The following CEP135 variants were observed in gnomAD, a reference collection of about 807,000 sequenced individuals.
The protein encoded by CEP135 is centrosomal protein 135.
CEP135 carries 142 observed loss-of-function variants against 157.3 expected under a neutral mutation model. The observed-to-expected ratio is 0.90, with a 90% CI of 0.79 to 1.04. The LOEUF (loss-of-function observed/expected upper bound fraction) is 1.04, where lower values mean the gene tolerates loss of function less well. CEP135 is among the 50% of genes least tolerant of loss of function. The probability of loss-of-function intolerance (pLI) is 0.00; values close to 1 mark genes in which losing one functional copy is unlikely to be tolerated. For missense variants in CEP135, 1,317 were observed against 1,309.2 expected (o/e 1.01, Z -0.09); for synonymous variants, 396 against 439.8 (o/e 0.90, Z 1.25).
intron 6 of CEP135, among the ~76,000 whole-genome samples, 198 bp from the exon 7 acceptor site, chr4:55,964,076 C>T (rs999419203): frequency 6.6e-6 from 1 of 152,198 alleles, no homozygotes; most frequent in African/African-American, 2.4e-5. Context: ...GATATAGTGA[C>T]AGCATGTCTG....
chr4:55,955,637 C>G (rs915910206), intron 4 of CEP135, among the ~76,000 whole-genome samples: 3 of 152,194 alleles, frequency 2.0e-5, no homozygotes, highest in Non-Finnish European at 4.4e-5. Context: ...ATGGGATAGA[C>G]TCCGGAGAGA....
In CEP135 at chr4:55,965,809, CAT is replaced by C; in HGVS notation, c.996_997del (p.His332GlnfsTer6). Reference protein sequence around the residue: ...IDQLAQQLERHKEEVLETADK... With the variant: ...IDQLAQQLERXKEEVLETADK... ...TCAGTTAGCACAGCAGTTGGAAAGA[CAT>C]AAAGAAGAAGTGCTTGAGACTGCTG... On this transcript the variant is annotated frameshift_variant, in exon 8 of 26. Transcript: ENST00000257287. LOFTEE classifies it high-confidence loss of function. 2.5e-6 allele frequency: 4 copies of C among 1,613,662 alleles called. No homozygotes were observed. The highest frequency in any genetic ancestry group is 3.4e-6 in the Non-Finnish European group (4 of 1,179,736).
At chr4:55,958,762 TC>T (rs1728583927) in intron 5 of CEP135, among the ~76,000 whole-genome samples, 2 of 152,090 alleles carry the variant, frequency 1.3e-5, no homozygotes, top group Admixed American at 1.3e-4. Flanking sequence ...CCTCATTTAC[TC>T]CACCCCATGG....
At chr4:55,995,038 G>A (rs780949801) in intron 15 of CEP135, among the ~76,000 whole-genome samples, 24 of 152,142 alleles carry the variant, frequency 1.6e-4, no homozygotes, top group Non-Finnish European at 2.9e-4. Flanking sequence ...TTCTTTGTCT[G>A]TTGTCAGAGC....
chr4:55,974,056 T>C (rs1729112000), intron 10 of CEP135, among the ~76,000 whole-genome samples: 1 of 152,202 alleles, frequency 6.6e-6, no homozygotes, highest in Non-Finnish European at 1.5e-5. Context: ...CCTACTACAA[T>C]TAGAATAGTT....
In CEP135 at chr4:55,965,757, A is replaced by C. The variant is rs1201599617; in HGVS notation, c.942A>C (p.Lys314Asn). 6.2e-7 allele frequency: 1 copy of C among 1,613,724 alleles called. No homozygotes were observed. Among genetic ancestry groups the C allele is most frequent in the Non-Finnish European group, 8.5e-7 (1 of 1,179,886 alleles). The change falls in exon 8 of 26, where the codon AAA becomes AAC. Residue 314 changes from lysine to asparagine, a missense_variant. Physicochemically the swap from Lys to Asn is moderately conservative, Grantham distance 94. Transcript: ENST00000257287. The part of the protein sequence containing the change: ...EVVNLSNKNE[K>N]LCQELTEIDQ... ...TTAATTTAAGTAACAAAAATGAAAA[A>C]CTCTGCCAAGAATTAACTGAAATAG...
chr4:55,989,268 AAAT>A (rs1229881281), intron 14 of CEP135, among the ~76,000 whole-genome samples: 7 of 152,218 alleles, frequency 4.6e-5, no homozygotes, highest in Non-Finnish European at 7.3e-5. Flanking sequence ...GACCTTGGAG[AAAT>A]AATAATATCA....
chr4:55,964,823 A>G (rs986831439), intron 7 of CEP135: 2 of 151,308 alleles, frequency 1.3e-5, no homozygotes, highest in Non-Finnish European at 3.0e-5. Flanking sequence ...TTTTATGAGT[A>G]TATATTTATT....
intron 17 of CEP135, among the ~76,000 whole-genome samples, chr4:56,006,490 A>G (rs1699710403): frequency 6.6e-6 from 1 of 152,066 alleles, no homozygotes; most frequent in Admixed American, 6.6e-5. Context: ...GGTGATGTGC[A>G]CCTGTGGTTC....
chr4:55,973,104 CA>C (rs1192896641), intron 10 of CEP135, among the ~76,000 whole-genome samples: 3 of 152,190 alleles, frequency 2.0e-5, no homozygotes, highest in African/African-American at 7.2e-5. Context: ...TCAACTGTCT[CA>C]AACTCTCTTG....
chr4:56,030,921 TC>T (rs1409895200), intron 25 of CEP135, among the ~76,000 whole-genome samples: 1 of 152,126 alleles, frequency 6.6e-6, no homozygotes, highest in Non-Finnish European at 1.5e-5. Context: ...AGTGAGAGGA[TC>T]ACTTGAGTTC....
intron 25 of CEP135, among the ~76,000 whole-genome samples, chr4:56,029,140 A>G (rs1280185668): frequency 6.6e-6 from 1 of 152,238 alleles, no homozygotes; most frequent in African/African-American, 2.4e-5. Context: ...GCAAATTATC[A>G]GGAAAGCAGC....
chr4:55,950,176 G>C (rs888480610), intron 1 of CEP135, among the ~76,000 whole-genome samples: 1 of 152,168 alleles, frequency 6.6e-6, no homozygotes, highest in African/African-American at 2.4e-5. Context: ...ATACAGAAAG[G>C]AGTGACCAAG....
chr4:56,024,223 A>G (rs1731076146), intron 24 of CEP135, among the ~76,000 whole-genome samples: 1 of 149,354 alleles, frequency 6.7e-6, no homozygotes, highest in Non-Finnish European at 1.5e-5. Flanking sequence ...AAAGATTTCC[A>G]TTAAAAGAAT....
In CEP135 at chr4:56,024,447, T is replaced by C. The variant is rs1731082199; in HGVS notation, c.3321-54T>C. 4 of 1,328,268 alleles carry C rather than the reference T, an allele frequency of 3.0e-6. No homozygotes were observed. The Admixed American group carries it at 5.3e-5, about 18-fold the overall frequency. 82.3% of individuals were successfully genotyped at this position (1,328,268 alleles called of 1,614,324 possible). A position where few individuals can be genotyped will look rare whatever the true frequency, so the allele number is the denominator to read the frequency against. On this transcript the variant is annotated intron_variant, in intron 24 of 25. Transcript: ENST00000257287. ...TAACTCTTATATTTGTTTGCCACTT[T>C]TTGATTTTCCCTGGTGCTTGAATAT...
At chr4:55,986,304 A>G (rs1170643488) in intron 14 of CEP135, among the ~76,000 whole-genome samples, 1 of 152,208 alleles carries the variant, frequency 6.6e-6, no homozygotes, top group African/African-American at 2.4e-5. Flanking sequence ...TGGGAGGCCA[A>G]GGTGAGGCAG....
intron 24 of CEP135, among the ~76,000 whole-genome samples, 155 bp downstream of exon 24, chr4:56,020,935 C>T (rs1202000915): frequency 2.6e-5 from 4 of 151,986 alleles, no homozygotes; most frequent in Non-Finnish European, 2.9e-5. Context: ...AAAAAGGCAA[C>T]AAGTGTTGGG....
chr4:56,026,601 G>C (rs1400732249), intron 25 of CEP135, among the ~76,000 whole-genome samples: 2 of 152,150 alleles, frequency 1.3e-5, no homozygotes, highest in African/African-American at 4.8e-5. Flanking sequence ...ATAAGCACTT[G>C]GCAGTTTCCA....
intron 24 of CEP135, among the ~76,000 whole-genome samples, chr4:56,023,100 G>A (rs1307826215): frequency 2.0e-5 from 3 of 152,040 alleles, no homozygotes; most frequent in Non-Finnish European, 4.4e-5. Context: ...GGCCATGAAA[G>A]TGTGCACCTG....
Sources: allele counts gnomAD v4.1 joint callset (sites outside exome capture counted in the v4.1 genomes callset), GRCh38; gene constraint gnomAD v4.1.1; transcripts MANE v1.5; gene names NCBI Gene and HGNC (gene_info 2026-07-23, HGNC 2026-07-21).